The following GABRA3 variants were observed in gnomAD, a reference collection of about 807,000 sequenced individuals.
The protein encoded by GABRA3 is gamma-aminobutyric acid receptor subunit alpha-3.
Under a neutral mutation model 30.1 loss-of-function variants are expected in GABRA3, and 10 were observed. That is an observed-to-expected ratio of 0.33 (90% CI 0.20 to 0.56). The LOEUF is 0.56. Among genes scored for constraint, GABRA3 ranks in the 20% least tolerant of loss-of-function variants. The probability of loss-of-function intolerance (pLI) is 0.89; values close to 1 mark genes in which losing one functional copy is unlikely to be tolerated. For synonymous variants in GABRA3, 151 were observed against 146.8 expected (o/e 1.03, Z -0.21); for missense variants, 233 against 392.0 (o/e 0.59, Z 3.42).
chrX:152,277,405 T>A (rs769008646), intron 4 of GABRA3, among the ~76,000 whole-genome samples: 1 of 111,577 alleles, frequency 9.0e-6, no homozygotes, highest in African/African-American at 3.3e-5. Flanking sequence ...TTTCCCAGGC[T>A]TCCATTTTAT....
chrX:152,204,816 A>T (rs1340106759), intron 7 of GABRA3, among the ~76,000 whole-genome samples: 1 of 112,007 alleles, frequency 8.9e-6, no homozygotes, highest in African/African-American at 3.2e-5. Context: ...ATTCTTTCAC[A>T]GTTCTGGAGG....
chrX:152,419,741 T>A (rs1358567549), intron 1 of GABRA3, among the ~76,000 whole-genome samples: 1 of 110,697 alleles, frequency 9.0e-6, no homozygotes, highest in Non-Finnish European at 1.9e-5. Context: ...GAAAAAAAAA[T>A]AGTTTTTCAT....
At position 152,309,380 on chromosome X, in the gene GABRA3, C is replaced by T. The variant is rs775977854; in HGVS notation, c.263-24645G>A. 2.7e-5 allele frequency among the ~76,000 whole-genome samples: 3 copies of T among 110,737 alleles called. No individual in the cohort carries two copies. The East Asian group carries it at 8.5e-4, about 31-fold the overall frequency. ...AACATAAAAGAAAATATATTAAACG[C>T]AGCTAGAGAAGCTAGAGAGAAGGGG... On this transcript the variant is annotated intron_variant, in intron 3 of 9. Coordinates refer to ENST00000370314, the MANE Select transcript of GABRA3 (RefSeq NM_000808.4).
At chrX:152,417,742 G>A (rs1432125867) in intron 1 of GABRA3, among the ~76,000 whole-genome samples, 1 of 100,185 alleles carries the variant, frequency 1.0e-5, no homozygotes, top group African/African-American at 3.7e-5. Flanking sequence ...GGATGAAGTT[G>A]GAAATCATCA....
intron 3 of GABRA3, among the ~76,000 whole-genome samples, chrX:152,337,193 G>C (rs1175295014): frequency 8.9e-6 from 1 of 111,794 alleles, no homozygotes; most frequent in African/African-American, 3.3e-5. Context: ...TTAGATATGC[G>C]TCTTTTCTTT....
chrX:152,449,988 T>C (rs1931182046), intron 1 of GABRA3, among the ~76,000 whole-genome samples: 1 of 111,472 alleles, frequency 9.0e-6, no homozygotes, highest in Non-Finnish European at 1.9e-5. Flanking sequence ...TCGATAATTT[T>C]AGCAATTAGT....
At chrX:152,178,359 T>G (rs1937101881) in intron 9 of GABRA3, among the ~76,000 whole-genome samples, 1 of 111,095 alleles carries the variant, frequency 9.0e-6, no homozygotes, top group African/African-American at 3.3e-5. Flanking sequence ...CACCAGTTTA[T>G]GAGTAAAACT....
chrX:152,413,226 A>G (rs1419758439), intron 1 of GABRA3, among the ~76,000 whole-genome samples: 1 of 110,483 alleles, frequency 9.1e-6, no homozygotes, highest in East Asian at 2.8e-4. Context: ...AGAATTTACC[A>G]TATATTAAAA....
intron 5 of GABRA3, among the ~76,000 whole-genome samples, chrX:152,250,157 C>G (rs948052808): frequency 9.0e-6 from 1 of 111,509 alleles, no homozygotes; most frequent in African/African-American, 3.3e-5. Flanking sequence ...TTGCAGCTTT[C>G]TTTGATAACC....
intron 1 of GABRA3, among the ~76,000 whole-genome samples, chrX:152,421,818 G>A (rs1930380065): frequency 9.0e-6 from 1 of 111,450 alleles, no homozygotes; most frequent in Non-Finnish European, 1.9e-5. Context: ...AAGTCATCAG[G>A]GAAATGTAAA....
intron 1 of GABRA3, among the ~76,000 whole-genome samples, chrX:152,396,742 G>A (rs1200303132): frequency 1.8e-5 from 2 of 112,061 alleles, no homozygotes; most frequent in East Asian, 2.8e-4. Context: ...CTTAAGCTCC[G>A]GGACAGGTGT....
intron 2 of GABRA3, among the ~76,000 whole-genome samples, chrX:152,354,431 A>C (rs1287731423): frequency 8.9e-6 from 1 of 112,013 alleles, no homozygotes; most frequent in African/African-American, 3.2e-5. Flanking sequence ...AACATAATGG[A>C]ATAAGTAAGA....
At chrX:152,331,417 G>C (rs529490910) in intron 3 of GABRA3, among the ~76,000 whole-genome samples, 1 of 111,233 alleles carries the variant, frequency 9.0e-6, no homozygotes, top group South Asian at 3.8e-4. Context: ...TTAACATTCT[G>C]TACCTCACTA....
At chrX:152,221,437 C>T (rs1358585416) in intron 6 of GABRA3, among the ~76,000 whole-genome samples, 1 of 111,798 alleles carries the variant, frequency 8.9e-6, no homozygotes, top group East Asian at 2.8e-4. Flanking sequence ...TTCAAAATAC[C>T]TCTAGATATC....
At chrX:152,202,916 A>C (rs981468212) in intron 7 of GABRA3, among the ~76,000 whole-genome samples, 1 of 112,725 alleles carries the variant, frequency 8.9e-6, no homozygotes, top group Non-Finnish European at 1.9e-5. Flanking sequence ...TTCATCAAGT[A>C]CCAGTGAAGA....
intron 2 of GABRA3, among the ~76,000 whole-genome samples, chrX:152,356,600 G>C (rs1233402443): frequency 1.8e-5 from 2 of 111,000 alleles, no homozygotes; most frequent in African/African-American, 6.5e-5. Flanking sequence ...TTTCTTTACA[G>C]CTTTATTTTA....
At chrX:152,312,434 T>C (rs1851190639) in intron 3 of GABRA3, among the ~76,000 whole-genome samples, 1 of 112,191 alleles carries the variant, frequency 8.9e-6, no homozygotes, top group Admixed American at 9.5e-5. Flanking sequence ...GCTAGCCATA[T>C]GCAGAAGATC....
intron 1 of GABRA3, among the ~76,000 whole-genome samples, chrX:152,372,314 G>A (rs1040738621): frequency 2.7e-5 from 3 of 110,782 alleles, no homozygotes; most frequent in Admixed American, 9.6e-5. Flanking sequence ...TTCTACTTTC[G>A]GTCTCCCCTA....
In GABRA3 at chrX:152,196,329, G is replaced by A. The variant is rs999462355; in HGVS notation, c.931+1304C>T. 8.6e-5 allele frequency among the ~76,000 whole-genome samples: 9 copies of A among 104,774 alleles called. No individual in the cohort carries two copies. The East Asian group carries it at 1.2e-3, about 14-fold the overall frequency. 91.0% of individuals were successfully genotyped at this position (104,774 alleles called of 115,157 possible). A position where few individuals can be genotyped will look rare whatever the true frequency, so the allele number is the denominator to read the frequency against. The stretch of plus-strand genomic sequence containing the variant: ...GGAGAATCGCTTGAACCTGAGAGGC[G>A]GGGGGTTGCAGTGAGCCGAGAACGC... On this transcript the variant is annotated intron_variant, in intron 8 of 9. Transcript: ENST00000370314.
Sources: gnomAD v4.1 joint callset for allele counts (sites outside exome capture counted in the v4.1 genomes callset) on GRCh38, gnomAD v4.1.1 for gene constraint, MANE v1.5 for transcripts, NCBI Gene and HGNC (gene_info 2026-07-23, HGNC 2026-07-21) for gene names.